Variants in SHQ1 observed in about 807,000 individuals in gnomAD.
The protein encoded by SHQ1 is SHQ1, H/ACA ribonucleoprotein assembly factor.
SHQ1 carries 49 observed loss-of-function variants against 53.8 expected under a neutral mutation model. That is an observed-to-expected ratio of 0.91 (90% CI 0.72 to 1.16). The LOEUF is 1.16. SHQ1 is among the 50% of genes most tolerant of loss of function. The probability of loss-of-function intolerance (pLI) is 0.00; values close to 1 mark genes in which losing one functional copy is unlikely to be tolerated. For synonymous variants in SHQ1, 243 were observed against 251.0 expected, an observed-to-expected ratio of 0.97 and a Z score of 0.30; for missense variants, 738 against 683.1, an observed-to-expected ratio of 1.08 and a Z score of -0.90.
chr3:72,748,163 C>A (rs1427018898), downstream of SHQ1, among the ~76,000 whole-genome samples: 4 of 151,760 alleles, frequency 2.6e-5, no homozygotes, highest in Non-Finnish European at 5.9e-5. Context: ...CCACTCCAGA[C>A]CTGCCTAACA....
At chr3:72,792,227 C>T (rs1559674125) in intron 10 of SHQ1, among the ~76,000 whole-genome samples, 1 of 152,190 alleles carries the variant, frequency 6.6e-6, no homozygotes, top group Non-Finnish European at 1.5e-5. Flanking sequence ...CATCTACACA[C>T]ACTCACACTC....
intron 4 of SHQ1, among the ~76,000 whole-genome samples, chr3:72,834,116 TATA>T (rs770208345): frequency 1.3e-5 from 2 of 152,252 alleles, no homozygotes. Flanking sequence ...AAAATTTCCA[TATA>T]ATAATTTTAA....
chr3:72,838,950 T>C (rs1224560293), intron 4 of SHQ1, among the ~76,000 whole-genome samples: 1 of 147,744 alleles, frequency 6.8e-6, no homozygotes, highest in East Asian at 1.9e-4. Flanking sequence ...GTATAGCAGC[T>C]TAAAAAAAAA....
chr3:72,730,019 C>T, the SHQ1 span, among the ~76,000 whole-genome samples: 106 of 151,680 alleles, frequency 7.0e-4, no homozygotes, highest in African/African-American at 2.5e-3. Flanking sequence ...GGGGTTTCAC[C>T]GTGTTAGCCA....
At chr3:72,778,359 G>A (rs913151718) in intron 10 of SHQ1, among the ~76,000 whole-genome samples, 2 of 151,990 alleles carry the variant, frequency 1.3e-5, no homozygotes, top group Non-Finnish European at 2.9e-5. Context: ...TGAGATGGCA[G>A]GATCACTTGA....
Position 72,792,973 on chromosome 3 carries a change from G to A in SHQ1, c.1124C>T (p.Ala375Val), listed in dbSNP as rs1293451216. ...GATGTAGAGATCATTCAGTATGTAC[G>A]CTGGGTCATTTTCCTGAAAAATTTT... The part of the protein sequence containing the change: ...IHKIFQENDP[A>V]YILNDLYISD... The change falls in exon 10 of 11, where the codon GCG becomes GTG. Residue 375 changes from alanine to valine, a missense_variant. Transcript: ENST00000325599. 3 of 1,611,314 alleles carry A rather than the reference G, an allele frequency of 1.9e-6. No individual in the cohort carries two copies. Among genetic ancestry groups the A allele is most frequent in the East Asian group, 2.2e-5 (1 of 44,852 alleles).
chr3:72,753,710 T>TTAA (rs1372862181), intron 10 of SHQ1: 1 of 848,130 alleles, frequency 1.2e-6, no homozygotes, highest in Non-Finnish European at 1.4e-6. Flanking sequence ...CTAGAGTCAG[T>TTAA]TAATGATTCA....
At chr3:72,825,267 A>C (rs896677242) in intron 5 of SHQ1, among the ~76,000 whole-genome samples, 8 of 152,016 alleles carry the variant, frequency 5.3e-5, no homozygotes, top group Non-Finnish European at 1.0e-4. Flanking sequence ...ATTTCAATAA[A>C]GGAAAAAATT....
intron 9 of SHQ1, among the ~76,000 whole-genome samples, chr3:72,810,860 G>C (rs1575712202): frequency 6.6e-6 from 1 of 152,134 alleles, no homozygotes; most frequent in African/African-American, 2.4e-5. Flanking sequence ...ATTAGTCACA[G>C]AACACACTGT....
At chr3:72,775,052 T>C (rs896123013) in intron 10 of SHQ1, among the ~76,000 whole-genome samples, 10 of 152,102 alleles carry the variant, frequency 6.6e-5, no homozygotes, top group Non-Finnish European at 1.0e-4. Flanking sequence ...GAAGCAGAGG[T>C]TGCAGTGAGC....
intron 1 of SHQ1, 115 bp from the exon 2 acceptor site, chr3:72,844,538 C>G (rs1446284865): frequency 3.7e-6 from 3 of 815,524 alleles, no homozygotes; most frequent in East Asian, 5.1e-5. Context: ...TTAAGAAGTT[C>G]CTCAGTATTT....
At chr3:72,725,676 C>T in the SHQ1 span, among the ~76,000 whole-genome samples, 13 of 152,318 alleles carry the variant, frequency 8.5e-5, no homozygotes, top group Admixed American at 2.0e-4. Context: ...AGCCCAGCCA[C>T]GAGCACAGTG....
At chr3:72,729,395 G>C in the SHQ1 span, among the ~76,000 whole-genome samples, 7 of 152,154 alleles carry the variant, frequency 4.6e-5, no homozygotes, top group African/African-American at 9.7e-5. Context: ...GCCGCTGCTC[G>C]TGCTGCCTCC....
At chr3:72,765,557 A>ATATATATATATATATATT (rs1491527508) in intron 10 of SHQ1, among the ~76,000 whole-genome samples, 1 of 57,188 alleles carries the variant, frequency 1.7e-5, no homozygotes, top group African/African-American at 7.9e-5. Flanking sequence ...ATATATATAT[A>ATATATATATATATATATT]TTTTTTTTTT....
At chr3:72,782,017 A>C (rs1706088871) in intron 10 of SHQ1, among the ~76,000 whole-genome samples, 1 of 152,198 alleles carries the variant, frequency 6.6e-6, no homozygotes, top group South Asian at 2.1e-4. Flanking sequence ...CTAAATCACA[A>C]TTTCAGGATA....
At chr3:72,813,760 C>CAAAAA (rs757465696) in intron 8 of SHQ1, among the ~76,000 whole-genome samples, 9 of 40,514 alleles carry the variant, frequency 2.2e-4, no homozygotes, top group African/African-American at 7.3e-4. Context: ...GACACCATCT[C>CAAAAA]AAAAAAAAAA....
downstream of SHQ1, among the ~76,000 whole-genome samples, chr3:72,748,329 C>CAAAAAAAAAAAA (rs572927520): frequency 5.3e-4 from 31 of 58,790 alleles, 3 homozygotes; most frequent in East Asian, 2.7e-3. Context: ...ATGAGGCATG[C>CAAAAAAAAAAAA]AAAAAAAAAA....
At chr3:72,835,769 T>G (rs927308622) in intron 4 of SHQ1, among the ~76,000 whole-genome samples, 6 of 152,218 alleles carry the variant, frequency 3.9e-5, no homozygotes, top group Admixed American at 1.3e-4. Flanking sequence ...ATTCCAATCC[T>G]GAGCCTTTAC....
chr3:72,756,432 C>T (rs941696329), intron 10 of SHQ1, among the ~76,000 whole-genome samples: 1 of 152,024 alleles, frequency 6.6e-6, no homozygotes, highest in Non-Finnish European at 1.5e-5. Context: ...TGCGCCACCA[C>T]GCCCGGCTAA....
Sources: allele counts gnomAD v4.1 joint callset (sites outside exome capture counted in the v4.1 genomes callset), GRCh38; gene constraint gnomAD v4.1.1; transcripts MANE v1.5; gene names NCBI Gene and HGNC (gene_info 2026-07-23, HGNC 2026-07-21).